IL7: variants seen among roughly 807,000 people sequenced by gnomAD.
The protein encoded by IL7 is interleukin 7, also known as interleukin-7.
Under a neutral mutation model 21.6 loss-of-function variants are expected in IL7, and 3 were observed. The ratio of observed to expected loss-of-function variants is 0.14; its 90% CI spans 0.06 to 0.36. The LOEUF is 0.36. Among genes scored for constraint, IL7 ranks in the 10% least tolerant of loss-of-function variants. The pLI is 1.00. For missense variants in IL7, 175 were observed against 200.2 expected, an observed-to-expected ratio of 0.87 and a Z score of 0.76; for synonymous variants, 62 against 68.1, an observed-to-expected ratio of 0.91 and a Z score of 0.44.
chr8:78,719,792 T>G (rs1563644312), intron 5 of IL7: 1 of 151,828 alleles, frequency 6.6e-6, no homozygotes, highest in South Asian at 2.1e-4. Flanking sequence ...CTGATGTCTT[T>G]TAGCCATACA....
intron 3 of IL7, among the ~76,000 whole-genome samples, chr8:78,706,391 C>A (rs1025582607): frequency 6.6e-6 from 1 of 152,060 alleles, no homozygotes; most frequent in Non-Finnish European, 1.5e-5. Flanking sequence ...TTGCCTGTGC[C>A]GGAGCAGCTG....
At chr8:78,749,091 G>C (rs1812078926) in intron 2 of IL7, among the ~76,000 whole-genome samples, 1 of 152,060 alleles carries the variant, frequency 6.6e-6, no homozygotes, top group Non-Finnish European at 1.5e-5. Flanking sequence ...CTTTCTGGAT[G>C]ATCAATAGTT....
At chr8:78,687,523 A>G (rs1290324670) in intron 3 of IL7, among the ~76,000 whole-genome samples, 1 of 144,042 alleles carries the variant, frequency 6.9e-6, no homozygotes, top group Non-Finnish European at 1.5e-5. Flanking sequence ...TATTTATATA[A>G]TAAATTATAT....
downstream of IL7, chr8:78,715,284 G>A: frequency 6.2e-7 from 1 of 1,613,754 alleles, no homozygotes; most frequent in African/African-American, 1.3e-5. Context: ...CCCCAGGTGT[G>A]CTTACAAACA....
chr8:78,701,650 T>C (rs1004746910), intron 3 of IL7, among the ~76,000 whole-genome samples: 1 of 152,234 alleles, frequency 6.6e-6, no homozygotes, highest in African/African-American at 2.4e-5. Flanking sequence ...GTGGCTAATA[T>C]TTTGAGGTAT....
chr8:78,681,084 T>C (rs921494865), intron 4 of IL7, among the ~76,000 whole-genome samples: 128 of 152,036 alleles, frequency 8.4e-4, no homozygotes, highest in African/African-American at 2.7e-3. Context: ...CCTTTTTTTT[T>C]TTTGAAGTGG....
chr8:78,762,332 T>G, intron 2 of IL7: 2 of 1,609,702 alleles, frequency 1.2e-6, no homozygotes, highest in Non-Finnish European at 1.7e-6. Context: ...CACCCACTTC[T>G]GGCATCTGGC....
intron 4 of IL7, among the ~76,000 whole-genome samples, chr8:78,683,016 C>G (rs1357362798): frequency 6.6e-6 from 1 of 152,228 alleles, no homozygotes; most frequent in Non-Finnish European, 1.5e-5. Flanking sequence ...CCAGGTCATG[C>G]TGGTTCAAAA....
At chr8:78,769,085 T>C (rs1370904724) in intron 2 of IL7, among the ~76,000 whole-genome samples, 1 of 152,128 alleles carries the variant, frequency 6.6e-6, no homozygotes, top group Admixed American at 6.5e-5. Context: ...TCATACTGAA[T>C]GGGCAAAAAC....
intron 2 of IL7, among the ~76,000 whole-genome samples, chr8:78,792,558 TACA>T (rs1328872442): frequency 6.6e-6 from 1 of 152,186 alleles, no homozygotes; most frequent in Non-Finnish European, 1.5e-5. Flanking sequence ...AAAGAACTCT[TACA>T]ACTATAAAAA....
Position 78,798,156 on chromosome 8 carries a change from T to C in IL7, c.63A>G (p.Pro21=). 1 of 1,611,732 alleles carries C rather than the reference T, an allele frequency of 6.2e-7. No homozygotes were observed. Among genetic ancestry groups the C allele is most frequent in the Non-Finnish European group, 8.5e-7 (1 of 1,178,136 alleles). Reference sequence around the variant, plus strand: ...CAATATCACAATCAGATGATGCTACTGGCAACAGAACAAGGATCAGGGGAG... The same window carrying C: ...CAATATCACAATCAGATGATGCTACCGGCAACAGAACAAGGATCAGGGGAG... ...GLPPLILVLL[P]VASSDCDIEG... Residue 21 remains proline (P), a synonymous_variant, in exon 2 of 6, where the codon CCA becomes CCG. Coordinates refer to ENST00000263851, the MANE Select transcript of IL7 (RefSeq NM_000880.4).
intron 3 of IL7, among the ~76,000 whole-genome samples, chr8:78,687,477 TATATA>T (rs1810026903): frequency 1.4e-5 from 2 of 145,232 alleles, no homozygotes; most frequent in African/African-American, 5.0e-5. Flanking sequence ...TATATATTTA[TATATA>T]ATTATATATG....
chr8:78,741,670 T>A (rs1203607149), intron 2 of IL7, among the ~76,000 whole-genome samples: 2 of 152,230 alleles, frequency 1.3e-5, no homozygotes, highest in African/African-American at 4.8e-5. Flanking sequence ...AAGATAATGT[T>A]ATACCAGTTG....
chr8:78,709,367 T>C (rs770249799), intron 3 of IL7, among the ~76,000 whole-genome samples: 5 of 152,216 alleles, frequency 3.3e-5, no homozygotes, highest in African/African-American at 4.8e-5. Flanking sequence ...ATCCAGTCTT[T>C]TGATGTGTGT....
downstream of IL7, among the ~76,000 whole-genome samples, chr8:78,732,116 A>T (rs151072102): frequency 1.3e-5 from 2 of 152,206 alleles, no homozygotes; most frequent in Non-Finnish European, 2.9e-5. Context: ...ACCATGTTTT[A>T]TGATGGAAGG....
downstream of IL7, chr8:78,717,221 G>A (rs573324521): frequency 4.0e-6 from 4 of 999,252 alleles, no homozygotes; most frequent in African/African-American, 4.9e-5. Flanking sequence ...TATTAAAAAC[G>A]AGATTAAGCA....
Position 78,710,613 on chromosome 8 carries a change from C to T in IL7, n.214+10735G>A, listed in dbSNP as rs78945575. Among the ~76,000 whole-genome samples, 1,441 of 151,822 alleles carry T rather than the reference C, an allele frequency of 9.5e-3. 17 individuals are homozygous for T. Among genetic ancestry groups the T allele is most frequent in the African/African-American group, 0.033 (1,363 of 41,434 alleles). On this transcript the variant is annotated intron_variant and non_coding_transcript_variant, in intron 3 of 4. Transcript: ENST00000523959. The stretch of plus-strand genomic sequence containing the variant: ...TTTCTGAGAAAGAAAAATTTTAATC[C>T]TTATTTCCAGAATCATGTAAGATAA...
At chr8:78,796,580 A>G (rs1367293504) in intron 2 of IL7, among the ~76,000 whole-genome samples, 1 of 152,008 alleles carries the variant, frequency 6.6e-6, no homozygotes, top group Non-Finnish European at 1.5e-5. Flanking sequence ...AATATTGTTA[A>G]GATTTCAGTA....
chr8:78,685,578 G>A (rs1013338461), intron 4 of IL7, among the ~76,000 whole-genome samples: 2 of 152,130 alleles, frequency 1.3e-5, no homozygotes, highest in Admixed American at 1.3e-4. Context: ...TTACATTAAA[G>A]GCCAATAACT....
Sources: gnomAD v4.1 joint callset for allele counts (sites outside exome capture counted in the v4.1 genomes callset) on GRCh38, gnomAD v4.1.1 for gene constraint, MANE v1.5 for transcripts, NCBI Gene and HGNC (gene_info 2026-07-23, HGNC 2026-07-21) for gene names.